GARNL3: variants seen among roughly 807,000 people sequenced by gnomAD.
The protein encoded by GARNL3 is GTPase activating Rap/RanGAP domain like 3.
In GARNL3, 63 loss-of-function variants were observed where a neutral mutation model predicts 125.0. The observed-to-expected ratio is 0.50, with a 90% CI of 0.41 to 0.62. GARNL3 has a LOEUF of 0.62. GARNL3 is among the 20% of genes least tolerant of loss of function. The probability of loss-of-function intolerance (pLI) is 0.00; values close to 1 mark genes in which losing one functional copy is unlikely to be tolerated. For synonymous variants in GARNL3, 439 were observed against 457.5 expected (o/e 0.96, Z 0.52); for missense variants, 994 against 1,244.0 (o/e 0.80, Z 3.02).
intron 1 of GARNL3, among the ~76,000 whole-genome samples, chr9:127,225,690 C>T (rs1165070209): frequency 1.3e-5 from 2 of 152,006 alleles, no homozygotes; most frequent in Non-Finnish European, 2.9e-5. Flanking sequence ...TGTGCCCTGC[C>T]CACCTCTGGT....
At chr9:127,285,189 T>C (rs988257825) in intron 1 of GARNL3, among the ~76,000 whole-genome samples, 1 of 152,224 alleles carries the variant, frequency 6.6e-6, no homozygotes, top group Admixed American at 6.5e-5. Context: ...CTCGGCACTT[T>C]GGGAGGCCGA....
chr9:127,228,122 T>C (rs1186269966), intron 1 of GARNL3, among the ~76,000 whole-genome samples: 1 of 152,252 alleles, frequency 6.6e-6, no homozygotes, highest in East Asian at 1.9e-4. Flanking sequence ...TTTCCACACA[T>C]CCTTAAACAT....
chr9:127,361,275 G>GAT (rs1291405979), intron 21 of GARNL3, among the ~76,000 whole-genome samples: 1 of 151,460 alleles, frequency 6.6e-6, no homozygotes, highest in African/African-American at 2.4e-5. Flanking sequence ...TTTTTTAAGA[G>GAT]AGAGAGAGAG....
At chr9:127,350,738 T>C (rs776542055) in intron 17 of GARNL3, among the ~76,000 whole-genome samples, 8 of 151,494 alleles carry the variant, frequency 5.3e-5, no homozygotes, top group Non-Finnish European at 1.0e-4. Context: ...ATCGCAGCAC[T>C]GCACTCCAGC....
intron 4 of GARNL3, among the ~76,000 whole-genome samples, chr9:127,316,314 G>A (rs1169042288): frequency 6.6e-6 from 1 of 152,120 alleles, no homozygotes; most frequent in South Asian, 2.1e-4. Context: ...GGTCAAGGCA[G>A]AAGGATTGCA....
intron 17 of GARNL3, among the ~76,000 whole-genome samples, chr9:127,350,657 T>G (rs1004597724): frequency 1.3e-5 from 2 of 151,688 alleles, no homozygotes; most frequent in African/African-American, 4.8e-5. Flanking sequence ...ATGCCTGTAG[T>G]CCCAGCTGCT....
chr9:127,356,960 T>A (rs891080120), intron 20 of GARNL3, among the ~76,000 whole-genome samples: 3 of 152,230 alleles, frequency 2.0e-5, no homozygotes, highest in African/African-American at 7.2e-5. Context: ...TACTGTTGAT[T>A]GCATTTTGTT....
chr9:127,241,684 G>A (rs997464687), intron 1 of GARNL3, among the ~76,000 whole-genome samples: 17 of 152,164 alleles, frequency 1.1e-4, no homozygotes, highest in African/African-American at 3.9e-4. Flanking sequence ...ACAGGTAGGA[G>A]GTTATGTGAG....
intron 21 of GARNL3, among the ~76,000 whole-genome samples, chr9:127,357,697 G>C (rs1830761907): frequency 6.6e-6 from 1 of 152,104 alleles, no homozygotes; most frequent in Admixed American, 6.5e-5. Flanking sequence ...CAGCACTTTG[G>C]GAGGCCGAGG....
At chr9:127,288,109 G>A (rs1050194543) in intron 1 of GARNL3, among the ~76,000 whole-genome samples, 4 of 152,192 alleles carry the variant, frequency 2.6e-5, no homozygotes, top group Non-Finnish European at 4.4e-5. Flanking sequence ...GCTGGAGAGC[G>A]GAGAGAGCGC....
Position 127,391,531 on chromosome 9 carries a change from A to T in GARNL3, c.2870+764A>T, listed in dbSNP as rs865974503. Among the ~76,000 whole-genome samples the T allele has an allele frequency of 2.0e-3, 131 of 63,952 alleles. 21 individuals carry two copies. The highest frequency in any genetic ancestry group is 4.2e-3 in the Non-Finnish European group (100 of 23,698). 42.0% of individuals were successfully genotyped at this position (63,952 alleles called of 152,430 possible). A position where few individuals can be genotyped will look rare whatever the true frequency, so the allele number is the denominator to read the frequency against. On this transcript the variant is annotated intron_variant, in intron 27 of 27. Coordinates refer to ENST00000373387, the MANE Select transcript of GARNL3 (RefSeq NM_032293.5). The stretch of plus-strand genomic sequence containing the variant: ...CAGCAAGACCCATCTCTACAAAAAA[A>T]AAATATATATATATATATATAGGCT...
chr9:127,304,183 A>G (rs2064880977), intron 2 of GARNL3, among the ~76,000 whole-genome samples: 2 of 152,220 alleles, frequency 1.3e-5, no homozygotes, highest in Non-Finnish European at 1.5e-5. Flanking sequence ...TTAAACTCCT[A>G]TAGACAGAGT....
chr9:127,337,909 C>T (rs1318615136), intron 11 of GARNL3, among the ~76,000 whole-genome samples: 1 of 152,178 alleles, frequency 6.6e-6, no homozygotes, highest in Non-Finnish European at 1.5e-5. Flanking sequence ...CACATACAAA[C>T]ATTGAACCTA....
intron 7 of GARNL3, among the ~76,000 whole-genome samples, chr9:127,330,970 C>G (rs1001230755): frequency 1.3e-5 from 2 of 152,150 alleles, no homozygotes; most frequent in African/African-American, 4.8e-5. Context: ...TATCCTGAAT[C>G]CTGGCAATCG....
chr9:127,328,394 A>G (rs917437966), intron 7 of GARNL3, among the ~76,000 whole-genome samples: 6 of 152,144 alleles, frequency 3.9e-5, no homozygotes, highest in African/African-American at 1.4e-4. Flanking sequence ...ATTCCAGCCT[A>G]TTCTAGTGGT....
rs754029678 is a variant in GARNL3 at position 127,357,279 on chromosome 9, A to T, written c.1996A>T (p.Ser666Cys). 2 of 1,614,156 alleles carry T rather than the reference A, an allele frequency of 1.2e-6. No individual in the cohort carries two copies. The highest frequency in any genetic ancestry group is 1.7e-6 in the Non-Finnish European group (2 of 1,179,986). ...CTTAGTGGATGGGCCAGCTGAAGAGAGTGACAATCTCATCTGTGTGGCTTA... is the reference window on the plus strand; with the variant it reads ...CTTAGTGGATGGGCCAGCTGAAGAGTGTGACAATCTCATCTGTGTGGCTTA... The part of the protein sequence containing the change: ...MTLVDGPAEE[S>C]DNLICVAYRH... Residue 666 changes from serine to cysteine, a missense_variant, in exon 21 of 28, where the codon AGT becomes TGT. This residue lies in a region of GARNL3 where 728 missense variants were observed against 865.7 expected (regional missense o/e 0.84). Transcript: ENST00000373387.
intron 1 of GARNL3, among the ~76,000 whole-genome samples, chr9:127,224,862 A>C (rs1357641770): frequency 6.8e-6 from 1 of 147,600 alleles, no homozygotes; most frequent in Non-Finnish European, 1.5e-5. Context: ...AGCCGGCGGC[A>C]AGAACCCCGC....
At chr9:127,329,387 T>TA (rs1829080519) in intron 7 of GARNL3, among the ~76,000 whole-genome samples, 1 of 152,160 alleles carries the variant, frequency 6.6e-6, no homozygotes, top group African/African-American at 2.4e-5. Flanking sequence ...ATGATCTCCC[T>TA]ACCTTGAAGA....
chr9:127,275,675 T>G lies in GARNL3; in HGVS notation c.144+10654T>G, dbSNP rs372252785. ...TAGGGAGTCATGCAAAAAAATCCAG[T>G]GTAGCTTGCCGTGATTGGCTTACCA... On this transcript the variant is annotated intron_variant, in intron 1 of 27. Transcript: ENST00000373387. 1.2e-4 allele frequency among the ~76,000 whole-genome samples: 19 copies of G among 152,348 alleles called. No individual in the cohort carries two copies. The South Asian group carries it at 3.5e-3, about 28-fold the overall frequency.
Sources: gnomAD v4.1 joint callset for allele counts (sites outside exome capture counted in the v4.1 genomes callset) on GRCh38, gnomAD v4.1.1 for gene constraint, gnomAD v4.1.1 regional missense constraint, MANE v1.5 for transcripts, NCBI Gene and HGNC (gene_info 2026-07-23, HGNC 2026-07-21) for gene names.